Variants in STOM observed in about 807,000 individuals in gnomAD.
STOM encodes the protein erythrocyte band 7 integral membrane protein.
A neutral mutation model predicts 30.6 loss-of-function variants in STOM; 25 were observed. That is an observed-to-expected ratio of 0.82 (90% CI 0.60 to 1.14). The LOEUF (loss-of-function observed/expected upper bound fraction) is 1.14, where lower values mean the gene tolerates loss of function less well. Ranked by LOEUF, STOM falls within the 50% of genes most tolerant of loss-of-function variation. The pLI is 0.00. For synonymous variants in STOM, 118 were observed against 130.8 expected (o/e 0.90, Z 0.67); for missense variants, 292 against 365.2 (o/e 0.80, Z 1.63).
chr9:121,348,294 G>A lies in STOM; in HGVS notation c.526-145C>T, dbSNP rs566378151. ...ACCCCACGGTGGAACGAATGGTGAC[G>A]CAGGGGCTGGCTCACTGATCCTGAT... On this transcript the variant is annotated intron_variant, in intron 5 of 6. Transcript: ENST00000286713. 5.6e-4 allele frequency: 626 copies of A among 1,122,514 alleles called. 6 individuals are homozygous for A. The South Asian group carries it at 7.7e-3, about 14-fold the overall frequency. The allele number at this position is 1,122,514 out of a possible 1,614,324, so 69.5% of individuals were successfully genotyped here.
At position 121,339,744 on chromosome 9, in the gene STOM, A is replaced by C; in HGVS notation, c.*1458T>G. 8.1e-7 allele frequency: 1 copy of C among 1,228,268 alleles called. No homozygotes were observed. Among genetic ancestry groups the C allele is most frequent in the Non-Finnish European group, 1.0e-6 (1 of 986,034 alleles). 76.1% of individuals were successfully genotyped at this position (1,228,268 alleles called of 1,614,324 possible). ...CAGAAGATGTCTCCTAATATTATAG[A>C]CTAAGAATTTGTTGTCCAGAGGAGC... On this transcript the variant is annotated 3_prime_UTR_variant, in exon 7 of 7. Transcript: ENST00000286713.
rs1427553211 is a variant in STOM, at chr9:121,353,988, A to G, written c.238+613T>C. 3.3e-5 allele frequency among the ~76,000 whole-genome samples: 5 copies of G among 152,316 alleles called. No individual in the cohort carries two copies. The East Asian group carries it at 9.6e-4, about 29-fold the overall frequency. On this transcript the variant is annotated intron_variant, in intron 3 of 6. Coordinates refer to ENST00000286713, the MANE Select transcript of STOM (RefSeq NM_004099.6). ...TACTTGATCATAATACTTATCACAT[A>G]GGATTGTAGCTATCTGTTTCCTTGT...
chr9:121,365,681 T>G (rs2064496275), intron 1 of STOM, among the ~76,000 whole-genome samples: 1 of 152,112 alleles, frequency 6.6e-6, no homozygotes, highest in Non-Finnish European at 1.5e-5. Flanking sequence ...TTTTTGGTGT[T>G]AGATTCCAAA....
Position 121,340,489 on chromosome 9 carries a change from C to A in STOM, c.*713G>T, listed in dbSNP as rs913719239. 4.1e-6 allele frequency: 4 copies of A among 980,732 alleles called. No homozygotes were observed. The African/African-American group carries it at 7.0e-5, about 17-fold the overall frequency. The allele number at this position is 980,732 out of a possible 1,614,324, so 60.8% of individuals were successfully genotyped here. ...TGGTAGCTCATGCCTGTAATCCCAG[C>A]ACTTTGGGAGGCAGAGGTGGGTGGA... On this transcript the variant is annotated 3_prime_UTR_variant, in exon 7 of 7. Coordinates refer to ENST00000286713, the MANE Select transcript of STOM (RefSeq NM_004099.6).
rs184545883 is a variant in STOM at position 121,355,016 on chromosome 9, T to C, written c.166-343A>G. On this transcript the variant is annotated intron_variant, in intron 2 of 6. Transcript: ENST00000286713. ...GGCTCACGCCTGTAATTTCAGCATT[T>C]TGGAAGGCCGAGGTGGGCAGATCAC... Among the ~76,000 whole-genome samples the C allele has an allele frequency of 1.3e-3, 195 of 152,134 alleles. 1 individual carries two copies. The highest frequency in any genetic ancestry group is 4.5e-3 in the African/African-American group (185 of 41,512).
intron 6 of STOM, among the ~76,000 whole-genome samples, chr9:121,344,544 C>T (rs893870821): frequency 6.6e-5 from 10 of 152,298 alleles, no homozygotes; most frequent in African/African-American, 2.2e-4. Context: ...AAGTACACTC[C>T]GTTGATAGGA....
In STOM at chr9:121,340,942, A is replaced by T. The variant is rs904530503; in HGVS notation, c.*260T>A. 7.8e-7 allele frequency: 1 copy of T among 1,280,804 alleles called. No individual in the cohort carries two copies. Among genetic ancestry groups the T allele is most frequent in the Non-Finnish European group, 1.0e-6 (1 of 1,004,558 alleles). 79.3% of individuals were successfully genotyped at this position (1,280,804 alleles called of 1,614,324 possible). ...GAATGAGTCAGTGGAAGTCAAAACA[A>T]GAGGGATCTAACCTACTACATAATA... On this transcript the variant is annotated 3_prime_UTR_variant, in exon 7 of 7. Transcript: ENST00000286713.
Position 121,339,716 on chromosome 9 carries a change from A to G in STOM, c.*1486T>C. The G allele has an allele frequency of 2.4e-6, 3 of 1,231,074 alleles. No individual in the cohort carries two copies. The South Asian group carries it at 1.2e-4, about 51-fold the overall frequency. 76.3% of individuals were successfully genotyped at this position (1,231,074 alleles called of 1,614,324 possible). ...TTGCTCAGATTCACAGACATTTGCA[A>G]AACAGAAGATGTCTCCTAATATTAT... is the stretch of plus-strand genomic sequence containing the variant. On this transcript the variant is annotated 3_prime_UTR_variant, in exon 7 of 7. Coordinates refer to ENST00000286713, the MANE Select transcript of STOM (RefSeq NM_004099.6).
chr9:121,347,550 A>C (rs968638185), intron 6 of STOM, among the ~76,000 whole-genome samples: 98 of 152,352 alleles, frequency 6.4e-4, no homozygotes, highest in African/African-American at 2.2e-3. Flanking sequence ...AACAAAAAAG[A>C]AGCCAAAAAT....
At chr9:121,366,659 A>C (rs2064506146) in intron 1 of STOM, among the ~76,000 whole-genome samples, 1 of 152,230 alleles carries the variant, frequency 6.6e-6, no homozygotes, top group African/African-American at 2.4e-5. Flanking sequence ...GCAAACACTT[A>C]ACAATGTTAT....
chr9:121,349,418 G>T, intron 4 of STOM, 95 bp from the exon 5 acceptor site: 1 of 1,062,380 alleles, frequency 9.4e-7, no homozygotes, highest in Non-Finnish European at 1.4e-6. Context: ...TATAACACTA[G>T]CTGATTTTCT....
intron 1 of STOM, 50 bp from the exon 2 acceptor site, chr9:121,356,206 C>A: frequency 6.8e-7 from 1 of 1,474,142 alleles, no homozygotes; most frequent in Admixed American, 1.8e-5. Context: ...CTAGCATAAT[C>A]ACCACCATCT....
intron 3 of STOM, among the ~76,000 whole-genome samples, chr9:121,353,529 A>G (rs891180297): frequency 3.3e-5 from 5 of 151,486 alleles, no homozygotes; most frequent in African/African-American, 9.7e-5. Flanking sequence ...TGTTGCTATC[A>G]CTCTTCTCCC....
intron 1 of STOM, among the ~76,000 whole-genome samples, chr9:121,356,665 G>A (rs1220023639): frequency 6.6e-6 from 1 of 152,152 alleles, no homozygotes; most frequent in South Asian, 2.1e-4. Flanking sequence ...CCTGAAGGAT[G>A]TAATAGTAAG....
intron 6 of STOM, among the ~76,000 whole-genome samples, chr9:121,343,260 A>C (rs2134021119): frequency 6.6e-6 from 1 of 152,336 alleles, no homozygotes; most frequent in East Asian, 1.9e-4. Flanking sequence ...TGAATCTTGA[A>C]TAATTAATGG....
intron 4 of STOM, among the ~76,000 whole-genome samples, chr9:121,351,257 G>A (rs2064336582): frequency 6.6e-6 from 1 of 152,228 alleles, no homozygotes; most frequent in South Asian, 2.1e-4. Context: ...CTCCTTCTGA[G>A]ACTCAATCTT....
At chr9:121,363,303 A>G (rs2134044439) in intron 1 of STOM, among the ~76,000 whole-genome samples, 1 of 152,334 alleles carries the variant, frequency 6.6e-6, no homozygotes, top group Non-Finnish European at 1.5e-5. Flanking sequence ...CAGTTGCAGC[A>G]GCACTTTTTA....
chr9:121,358,204 C>T (rs777477677), intron 1 of STOM, among the ~76,000 whole-genome samples: 1 of 151,946 alleles, frequency 6.6e-6, no homozygotes, highest in Non-Finnish European at 1.5e-5. Flanking sequence ...CGCCTGTAAT[C>T]CCAGCACTTT....
intron 1 of STOM, among the ~76,000 whole-genome samples, chr9:121,360,127 A>G (rs1341381192): frequency 6.6e-6 from 1 of 152,236 alleles, no homozygotes; most frequent in African/African-American, 2.4e-5. Context: ...TCACTTTTAT[A>G]TTCTCAATGT....
Sources: allele counts gnomAD v4.1 joint callset (sites outside exome capture counted in the v4.1 genomes callset), GRCh38; gene constraint gnomAD v4.1.1; transcripts MANE v1.5; gene names NCBI Gene and HGNC (gene_info 2026-07-23, HGNC 2026-07-21).